The following ZUP1 variants were observed in gnomAD, a reference collection of about 807,000 sequenced individuals.
ZUP1 encodes the protein zinc finger containing ubiquitin peptidase 1.
A neutral mutation model predicts 68.1 loss-of-function variants in ZUP1; 55 were observed. That is an observed-to-expected ratio of 0.81 (90% CI 0.65 to 1.01). ZUP1 has a LOEUF of 1.01. ZUP1 is among the 50% of genes least tolerant of loss of function. The pLI is 0.00. For missense variants in ZUP1, 684 were observed against 674.9 expected, an observed-to-expected ratio of 1.01 and a Z score of -0.15; for synonymous variants, 223 against 221.5, an observed-to-expected ratio of 1.01 and a Z score of -0.06.
intron 7 of ZUP1, among the ~76,000 whole-genome samples, chr6:116,648,877 C>A (rs1231857527): frequency 5.3e-5 from 8 of 150,446 alleles, no homozygotes; most frequent in African/African-American, 2.0e-4. Flanking sequence ...GGCAAAGGCA[C>A]AAGAATCACT....
intron 9 of ZUP1, among the ~76,000 whole-genome samples, chr6:116,644,594 AC>A (rs1776228023): frequency 6.6e-6 from 1 of 151,782 alleles, no homozygotes; most frequent in African/African-American, 2.4e-5. Flanking sequence ...CAAGAACAAA[AC>A]ACCAAACACC....
At chr6:116,638,811 A>G (rs979007615) in intron 9 of ZUP1, among the ~76,000 whole-genome samples, 13 of 152,152 alleles carry the variant, frequency 8.5e-5, no homozygotes, top group African/African-American at 3.1e-4. Context: ...GGTTCATCTC[A>G]CTAGGGAGTG....
At chr6:116,658,696 T>C in intron 4 of ZUP1, 107 bp downstream of exon 4, 1 of 1,080,152 alleles carries the variant, frequency 9.3e-7, no homozygotes, top group Non-Finnish European at 1.3e-6. Context: ...CAAACATGTA[T>C]AAATTTTTTT....
chr6:116,639,969 T>A (rs957794947), intron 9 of ZUP1, among the ~76,000 whole-genome samples: 5 of 152,126 alleles, frequency 3.3e-5, no homozygotes, highest in African/African-American at 1.2e-4. Context: ...ATAACTAGAA[T>A]AACCAATACA....
intron 5 of ZUP1, 131 bp downstream of exon 5, chr6:116,656,553 T>A: frequency 1.4e-6 from 1 of 707,152 alleles, no homozygotes; most frequent in Non-Finnish European, 2.2e-6. Context: ...TCAGAAGTTT[T>A]AAAACAATAC....
At chr6:116,636,116 C>CT (rs34718651) in intron 9 of ZUP1, among the ~76,000 whole-genome samples, 2 of 151,982 alleles carry the variant, frequency 1.3e-5, no homozygotes, top group Admixed American at 6.5e-5. Context: ...GAAAATGTCA[C>CT]TTTTTTGTGG....
intron 7 of ZUP1, among the ~76,000 whole-genome samples, chr6:116,649,535 G>A (rs1425363849): frequency 1.3e-5 from 2 of 152,088 alleles, no homozygotes; most frequent in African/African-American, 4.8e-5. Flanking sequence ...AAGCTTAGAA[G>A]CATAAGGTTT....
chr6:116,648,787 C>T (rs972846303), intron 7 of ZUP1, among the ~76,000 whole-genome samples: 5 of 151,456 alleles, frequency 3.3e-5, no homozygotes, highest in South Asian at 2.1e-4. Flanking sequence ...CATGGCGAAA[C>T]CCCATCTCTA....
intron 2 of ZUP1, among the ~76,000 whole-genome samples, chr6:116,665,569 C>CTTTTTTTT (rs753039436): frequency 9.0e-6 from 1 of 111,588 alleles, no homozygotes. Flanking sequence ...AAAAATTTTT[C>CTTTTTTTT]TTTTTTTTTT....
chr6:116,662,497 C>G (rs776189846), intron 2 of ZUP1, among the ~76,000 whole-genome samples: 3 of 152,198 alleles, frequency 2.0e-5, no homozygotes, highest in Non-Finnish European at 4.4e-5. Flanking sequence ...TGAATCCAAT[C>G]TAATTGTTCA....
At chr6:116,642,924 A>T (rs1294829559) in intron 9 of ZUP1, among the ~76,000 whole-genome samples, 4 of 152,238 alleles carry the variant, frequency 2.6e-5, no homozygotes, top group African/African-American at 9.7e-5. Context: ...ACATGATTGT[A>T]CATCTAGAAA....
At position 116,652,000 on chromosome 6, in the gene ZUP1, A is replaced by C. The variant is rs1211003773; in HGVS notation, c.1150+4T>G. On this transcript the variant is annotated splice_donor_region_variant and intron_variant, in intron 6 of 9. Transcript: ENST00000368576. ...ACAAGTTCAGAGTACTAGATTTCAC[A>C]TACCTTTTAAGCAATCGTTGTAAGC... 6.2e-7 allele frequency: 1 copy of C among 1,613,358 alleles called. No homozygotes were observed. Among genetic ancestry groups the C allele is most frequent in the Non-Finnish European group, 8.5e-7 (1 of 1,179,610 alleles).
At chr6:116,662,789 T>A (rs1029254169) in intron 2 of ZUP1, among the ~76,000 whole-genome samples, 3 of 152,158 alleles carry the variant, frequency 2.0e-5, no homozygotes, top group African/African-American at 7.2e-5. Flanking sequence ...AGAAGAGGCA[T>A]CCCCTTTGCT....
At chr6:116,643,038 C>T (rs9400943) in intron 9 of ZUP1, among the ~76,000 whole-genome samples, 28,331 of 151,330 alleles carry the variant, frequency 0.19, 2,829 homozygotes, top group East Asian at 0.29. Context: ...TCTTATACAC[C>T]AATAACAGAC....
chr6:116,664,673 A>G (rs541817212), intron 2 of ZUP1, among the ~76,000 whole-genome samples: 4 of 152,330 alleles, frequency 2.6e-5, no homozygotes, highest in East Asian at 3.9e-4. Context: ...CAAAATAGCT[A>G]TTAAAGTGGT....
intron 9 of ZUP1, among the ~76,000 whole-genome samples, chr6:116,641,547 A>G (rs1430224995): frequency 3.3e-5 from 5 of 152,002 alleles, no homozygotes; most frequent in East Asian, 3.9e-4. Flanking sequence ...ACTCAAAACC[A>G]CTCAACTACA....
chr6:116,648,700 G>T (rs866878379), intron 7 of ZUP1, among the ~76,000 whole-genome samples: 1 of 151,766 alleles, frequency 6.6e-6, no homozygotes, highest in Non-Finnish European at 1.5e-5. Flanking sequence ...AGTGGCTCAC[G>T]CCTGTGATCC....
intron 1 of ZUP1, among the ~76,000 whole-genome samples, chr6:116,667,559 T>C (rs1331076354): frequency 6.6e-6 from 1 of 152,134 alleles, no homozygotes; most frequent in Non-Finnish European, 1.5e-5. Flanking sequence ...TCAACTGATA[T>C]ATCTAAATAC....
chr6:116,638,380 C>G (rs1219009639), intron 9 of ZUP1, among the ~76,000 whole-genome samples: 6 of 152,150 alleles, frequency 3.9e-5, no homozygotes, highest in Middle Eastern at 3.4e-3. Flanking sequence ...TTACGTTCCC[C>G]CCTGATGGTG....
Sources: allele counts gnomAD v4.1 joint callset (sites outside exome capture counted in the v4.1 genomes callset), GRCh38; gene constraint gnomAD v4.1.1; transcripts MANE v1.5; gene names NCBI Gene and HGNC (gene_info 2026-07-23, HGNC 2026-07-21).